Variants in RPRD1A observed in about 807,000 individuals in gnomAD.
RPRD1A encodes regulation of nuclear pre-mRNA domain containing 1A.
Under a neutral mutation model 37.8 loss-of-function variants are expected in RPRD1A, and 9 were observed. The observed-to-expected ratio is 0.24, with a 90% CI of 0.14 to 0.42. The LOEUF (loss-of-function observed/expected upper bound fraction) is 0.42, where lower values mean the gene tolerates loss of function less well. Among genes scored for constraint, RPRD1A ranks in the 10% least tolerant of loss-of-function variants. The pLI, the probability that RPRD1A is intolerant of heterozygous loss-of-function variation, is 1.00. For missense variants in RPRD1A, 255 were observed against 371.0 expected (o/e 0.69, Z 2.57); for synonymous variants, 138 against 139.7 (o/e 0.99, Z 0.08).
chr18:36,037,892 AAG>A (rs1273584151), intron 1 of RPRD1A, among the ~76,000 whole-genome samples: 5 of 152,190 alleles, frequency 3.3e-5, no homozygotes, highest in Non-Finnish European at 5.9e-5. Flanking sequence ...TTGAGGTTAA[AAG>A]AGATGATTTA....
chr18:36,025,664 G>A (rs912752808), intron 6 of RPRD1A: 8 of 1,286,112 alleles, frequency 6.2e-6, no homozygotes, highest in East Asian at 5.6e-5. Context: ...TAGAAGATAC[G>A]CCCATGTCCA....
At position 36,007,366 on chromosome 18, in the gene RPRD1A, T is replaced by C. The variant is rs191131247; in HGVS notation, c.790-14066A>G. Among the ~76,000 whole-genome samples the C allele has an allele frequency of 7.2e-5, 11 of 152,012 alleles. No individual in the cohort carries two copies. In the East Asian group the frequency reaches 1.4e-3, roughly 19 times the overall value. On this transcript the variant is annotated intron_variant, in intron 6 of 6. Coordinates refer to ENST00000399022, the MANE Select transcript of RPRD1A (RefSeq NM_018170.5). The stretch of plus-strand genomic sequence containing the variant: ...TGATACTTGTGACAAGAAACAAGGA[T>C]AGATATCAGACATGCTAAGTGGCAA...
At chr18:36,040,516 T>G (rs1912503052) in intron 1 of RPRD1A, among the ~76,000 whole-genome samples, 1 of 152,142 alleles carries the variant, frequency 6.6e-6, no homozygotes, top group Non-Finnish European at 1.5e-5. Context: ...TGTTTCAGCT[T>G]CATTTTATAA....
chr18:36,061,964 A>G (rs979999630), intron 1 of RPRD1A, among the ~76,000 whole-genome samples: 2 of 152,210 alleles, frequency 1.3e-5, no homozygotes, highest in African/African-American at 4.8e-5. Context: ...TCAAAAAGAT[A>G]ACAAATATTA....
chr18:35,999,642 C>CAA (rs35894007), intron 6 of RPRD1A, among the ~76,000 whole-genome samples: 2 of 144,928 alleles, frequency 1.4e-5, no homozygotes, highest in African/African-American at 2.5e-5. Context: ...ATAATTGTGA[C>CAA]AAAAAAAAAA....
chr18:36,007,459 G>C (rs1489388838), intron 6 of RPRD1A, among the ~76,000 whole-genome samples: 2 of 152,156 alleles, frequency 1.3e-5, no homozygotes, highest in Non-Finnish European at 2.9e-5. Flanking sequence ...TTCAGAATTG[G>C]AATTTAGCAT....
intron 6 of RPRD1A, among the ~76,000 whole-genome samples, chr18:36,017,413 C>A (rs1309289465): frequency 6.6e-6 from 1 of 152,176 alleles, no homozygotes; most frequent in Non-Finnish European, 1.5e-5. Flanking sequence ...TAATCTCTCT[C>A]CAATCTAATC....
intron 1 of RPRD1A, chr18:36,063,082 A>T (rs1386955516): frequency 2.0e-5 from 3 of 152,250 alleles, no homozygotes; most frequent in African/African-American, 4.8e-5. Flanking sequence ...CTTTCTTTAA[A>T]GGAGACAAAG....
At chr18:36,022,360 A>G (rs1233039394) in intron 6 of RPRD1A, among the ~76,000 whole-genome samples, 1 of 152,192 alleles carries the variant, frequency 6.6e-6, no homozygotes, top group Non-Finnish European at 1.5e-5. Context: ...TAAACAACAG[A>G]TTTTCCATGT....
At position 36,067,497 on chromosome 18, in the gene RPRD1A, C is replaced by T; in HGVS notation, c.-93G>A. ...GCTGCGGCCTCGCCCCCTCACCCCA[C>T]CCTTCCCCACGCTCTCACCACGGCC... On this transcript the variant is annotated 5_prime_UTR_variant, in exon 1 of 7. In the 5' UTR this introduces an upstream ATG that the reference lacks. Coordinates refer to ENST00000399022, the MANE Select transcript of RPRD1A (RefSeq NM_018170.5). 2.3e-6 allele frequency: 3 copies of T among 1,317,154 alleles called. No homozygotes were observed. Among genetic ancestry groups the T allele is most frequent in the Non-Finnish European group, 3.1e-6 (3 of 961,996 alleles). 81.6% of individuals were successfully genotyped at this position (1,317,154 alleles called of 1,614,324 possible). A position where few individuals can be genotyped will look rare whatever the true frequency, so the allele number is the denominator to read the frequency against.
At chr18:36,040,764 CA>C in intron 1 of RPRD1A, 6 of 1,208,306 alleles carry the variant, frequency 5.0e-6, no homozygotes, top group Non-Finnish European at 6.9e-6. Flanking sequence ...GCTTTTTAGG[CA>C]AGTGGTACTT....
At chr18:35,994,377 G>A (rs913133931) in intron 6 of RPRD1A, among the ~76,000 whole-genome samples, 2 of 152,188 alleles carry the variant, frequency 1.3e-5, no homozygotes, top group South Asian at 2.1e-4. Context: ...GGCCTGAACC[G>A]AACCAAACCA....
At position 35,997,600 on chromosome 18, in the gene RPRD1A, G is replaced by A. The variant is rs185147965; in HGVS notation, c.790-4300C>T. 4.5e-4 allele frequency among the ~76,000 whole-genome samples: 68 copies of A among 152,288 alleles called. No individual in the cohort carries two copies. The Middle Eastern group carries it at 0.01, about 23-fold the overall frequency. ...GAATGTAAATAAAATGAATGTAACTGAGTATCTATTCTACTACAAATAAGA... is the reference window on the plus strand; with the variant it reads ...GAATGTAAATAAAATGAATGTAACTAAGTATCTATTCTACTACAAATAAGA... On this transcript the variant is annotated intron_variant, in intron 6 of 6. Coordinates refer to ENST00000399022, the MANE Select transcript of RPRD1A (RefSeq NM_018170.5).
intron 1 of RPRD1A, among the ~76,000 whole-genome samples, chr18:36,051,596 T>C (rs1482240716): frequency 1.3e-5 from 2 of 152,108 alleles, no homozygotes; most frequent in Admixed American, 1.3e-4. Context: ...CAGTAACTCA[T>C]TCAACACATA....
At chr18:36,028,904 A>G (rs566107386) in intron 4 of RPRD1A, among the ~76,000 whole-genome samples, 10 of 152,354 alleles carry the variant, frequency 6.6e-5, no homozygotes, top group African/African-American at 2.4e-4. Flanking sequence ...AATACTCCTA[A>G]GATATGCAAC....
At position 36,055,413 on chromosome 18, in the gene RPRD1A, T is replaced by C. The variant is rs74659019; in HGVS notation, c.151+11841A>G. Among the ~76,000 whole-genome samples, 476 of 152,314 alleles carry C rather than the reference T, an allele frequency of 3.1e-3. 1 individual carries two copies. The highest frequency in any genetic ancestry group is 0.011 in the African/African-American group (463 of 41,562). ...TTAATCCTTCAATACTTCCTTCTAT[T>C]AGCCTGTACGAGAATCAAGTAAGAT... On this transcript the variant is annotated intron_variant, in intron 1 of 6. Transcript: ENST00000399022.
chr18:36,026,660 C>A, intron 6 of RPRD1A: 1 of 368,986 alleles, frequency 2.7e-6, no homozygotes, highest in East Asian at 4.6e-5. Flanking sequence ...TGGAATTTCA[C>A]AAGAATAATT....
At chr18:36,062,344 A>AC (rs2088932078) in intron 1 of RPRD1A, among the ~76,000 whole-genome samples, 3 of 151,050 alleles carry the variant, frequency 2.0e-5, no homozygotes, top group Admixed American at 6.6e-5. Flanking sequence ...AAAAAAAAAA[A>AC]AAAACATGTA....
intron 6 of RPRD1A, among the ~76,000 whole-genome samples, chr18:36,009,761 C>T (rs1395107737): frequency 2.6e-5 from 4 of 152,354 alleles, no homozygotes; most frequent in Non-Finnish European, 5.9e-5. Context: ...AACAGCCACA[C>T]GTGGCTAGTG....
Sources: gnomAD v4.1 joint callset for allele counts (sites outside exome capture counted in the v4.1 genomes callset) on GRCh38, gnomAD v4.1.1 for gene constraint, MANE v1.5 for transcripts, NCBI Gene and HGNC (gene_info 2026-07-23, HGNC 2026-07-21) for gene names.